VPS37B: variants seen among roughly 807,000 people sequenced by gnomAD.
VPS37B encodes VPS37B subunit of ESCRT-I, also known as vacuolar protein sorting-associated protein 37B.
In VPS37B, 11 loss-of-function variants were observed where a neutral mutation model predicts 21.2. That is an observed-to-expected ratio of 0.52 (90% CI 0.33 to 0.86). The LOEUF is 0.86. Among genes scored for constraint, VPS37B ranks in the 40% least tolerant of loss-of-function variants. The pLI is 0.03. For synonymous variants in VPS37B, 175 were observed against 159.6 expected (o/e 1.10, Z -0.73); for missense variants, 389 against 374.8 (o/e 1.04, Z -0.31).
At chr12:122,893,624 C>T (rs2034447559) in intron 1 of VPS37B, among the ~76,000 whole-genome samples, 1 of 152,118 alleles carries the variant, frequency 6.6e-6, no homozygotes, top group Non-Finnish European at 1.5e-5. Flanking sequence ...ATGACCAGGA[C>T]GACAGGATTG....
intron 1 of VPS37B, among the ~76,000 whole-genome samples, chr12:122,893,515 C>T (rs1375925490): frequency 1.3e-5 from 2 of 152,052 alleles, no homozygotes; most frequent in African/African-American, 4.8e-5. Flanking sequence ...ACAATTACCC[C>T]CAACATAAGC....
intron 1 of VPS37B, chr12:122,882,677 C>T (rs2034262838): frequency 6.6e-6 from 1 of 152,176 alleles, no homozygotes; most frequent in Admixed American, 6.5e-5. Context: ...CTTGATTTAT[C>T]ACACCAACTA....
At chr12:122,877,446 A>G (rs56260598) in intron 1 of VPS37B, 3,647 of 152,290 alleles carry the variant, frequency 0.024, 91 homozygotes, top group South Asian at 0.061. Context: ...CAGTGGTGCA[A>G]TCATGGCTCA....
intron 2 of VPS37B, among the ~76,000 whole-genome samples, chr12:122,869,732 C>T (rs916110654): frequency 6.6e-6 from 1 of 152,260 alleles, no homozygotes; most frequent in Admixed American, 6.5e-5. Flanking sequence ...CGAGCACCAC[C>T]ACCCCCAGCT....
intron 1 of VPS37B, chr12:122,881,277 G>A (rs149164943): frequency 3.9e-4 from 60 of 152,288 alleles, no homozygotes; most frequent in African/African-American, 1.4e-3. Context: ...AAGGTTAAAC[G>A]AGCTGTCAAA....
In VPS37B at chr12:122,867,279, G is replaced by A. The variant is rs777520018; in HGVS notation, c.695C>T (p.Ala232Val). ...PFTAAMSSGQ[A>V]VPYPGLQCPP... ...GCACTGTAATCCTGGGTACGGCACG[G>A]CCTGTCCCGAACTCATGGCCGCAGT... Residue 232 changes from alanine (A) to valine (V), a missense_variant, in exon 4 of 4, where the codon GCC (alanine) becomes GTC (valine). Transcript: ENST00000267202. The surrounding 1 kb of genome is among the most constrained non-coding windows in gnomAD (Gnocchi z 5.5). 7.7e-6 allele frequency: 12 copies of A among 1,566,432 alleles called. No individual in the cohort carries two copies. The highest frequency in any genetic ancestry group is 2.8e-5 in the African/African-American group (2 of 71,752).
In VPS37B at chr12:122,893,571, TTTCGG is replaced by T. The variant is rs2034447002; in HGVS notation, c.111+2376_111+2380del. ...TGAGTGAAACTACCATGACCAAAAA[TTTCGG>T]TTCACATTACACCCATTCCGAGAAA... On this transcript the variant is annotated intron_variant, in intron 1 of 3. Coordinates refer to ENST00000267202, the MANE Select transcript of VPS37B (RefSeq NM_024667.3). Among the ~76,000 whole-genome samples, 6 of 152,134 alleles carry T rather than the reference TTTCGG, an allele frequency of 3.9e-5. No homozygotes were observed. In the South Asian group the frequency reaches 1.2e-3, roughly 31 times the overall value.
chr12:122,891,673 T>G (rs538349996), intron 1 of VPS37B, among the ~76,000 whole-genome samples: 1 of 152,206 alleles, frequency 6.6e-6, no homozygotes, highest in East Asian at 1.9e-4. Flanking sequence ...AGAGTGCAAA[T>G]CTTAGCTTCT....
chr12:122,879,379 T>C (rs1174426646), intron 1 of VPS37B: 2 of 152,294 alleles, frequency 1.3e-5, no homozygotes, highest in Non-Finnish European at 1.5e-5. Context: ...AGGAGGAAGA[T>C]GAAAAGGGAC....
chr12:122,867,009 C>T lies in VPS37B; in HGVS notation c.*107G>A. The T allele has an allele frequency of 7.5e-7, 1 of 1,334,388 alleles. No homozygotes were observed. The highest frequency in any genetic ancestry group is 9.8e-7 in the Non-Finnish European group (1 of 1,017,578). 82.7% of individuals were successfully genotyped at this position (1,334,388 alleles called of 1,614,324 possible). A position where few individuals can be genotyped will look rare whatever the true frequency, so the allele number is the denominator to read the frequency against. ...CTAAAATCAGACAGACACGCTGGCC[C>T]AGGGCCCCAGAGCCCTTGGCACAGA... On this transcript the variant is annotated 3_prime_UTR_variant, in exon 4 of 4. Transcript: ENST00000267202. This position sits in a 1 kb window ranked among gnomAD's most constrained non-coding sequence, Gnocchi z 5.5.
intron 1 of VPS37B, chr12:122,872,097 C>A (rs1274651313): frequency 5.1e-6 from 5 of 985,332 alleles, no homozygotes; most frequent in Non-Finnish European, 6.0e-6. Context: ...TTTGCTGCGA[C>A]TTCCTTCCTC....
chr12:122,868,054 G>A lies in VPS37B; in HGVS notation c.366+426C>T, dbSNP rs114865731. ...AGCCCTATCTTGGCAAGACCCTGCC[G>A]GCCCCAGCCTGCAACAACTGCACAA... On this transcript the variant is annotated intron_variant, in intron 3 of 3. Transcript: ENST00000267202. This position sits in a 1 kb window ranked among gnomAD's most constrained non-coding sequence, Gnocchi z 5.5. Among the ~76,000 whole-genome samples the A allele has an allele frequency of 1.2e-3, 187 of 152,320 alleles. 1 individual carries two copies. Among genetic ancestry groups the A allele is most frequent in the African/African-American group, 4.3e-3 (178 of 41,564 alleles).
chr12:122,892,646 G>A (rs1257190319), intron 1 of VPS37B, among the ~76,000 whole-genome samples: 1 of 152,198 alleles, frequency 6.6e-6, no homozygotes, highest in African/African-American at 2.4e-5. Flanking sequence ...GGCTGGGCGT[G>A]GTGGCCCATG....
chr12:122,880,707 G>C (rs2034235126), intron 1 of VPS37B: 2 of 151,752 alleles, frequency 1.3e-5, no homozygotes, highest in African/African-American at 2.4e-5. Flanking sequence ...CACACACACA[G>C]AAAAACCCTA....
intron 1 of VPS37B, chr12:122,874,313 A>G (rs2034103118): frequency 6.6e-6 from 1 of 152,032 alleles, no homozygotes; most frequent in Admixed American, 6.6e-5. Flanking sequence ...ACAAATCTCA[A>G]TGTCCCGACC....
intron 1 of VPS37B, chr12:122,871,713 T>C (rs2034038415): frequency 1.0e-6 from 1 of 984,780 alleles, no homozygotes; most frequent in South Asian, 4.7e-5. Context: ...GGATTTCATT[T>C]TGTCCTTTAA....
chr12:122,867,335 C>CG lies in VPS37B; in HGVS notation c.638dup (p.Val214GlyfsTer120). The CG allele has an allele frequency of 7.8e-6, 3 of 386,170 alleles. No homozygotes were observed. The highest frequency in any genetic ancestry group is 1.5e-5 in the Non-Finnish European group (3 of 205,286). The allele number at this position is 386,170 out of a possible 1,614,324, so 23.9% of individuals were successfully genotyped here. A position where few individuals can be genotyped will look rare whatever the true frequency, so the allele number is the denominator to read the frequency against. On this transcript the variant is annotated frameshift_variant, in exon 4 of 4. Transcript: ENST00000267202. LOFTEE classifies it high-confidence loss of function. The surrounding 1 kb of genome is among the most constrained non-coding windows in gnomAD (Gnocchi z 5.5). Reference sequence around the variant, plus strand: ...GGGTGGCTAAGCGTCCCGCAGGCACCGGGGGTGGTGGGGGGGGGATGCGCC... The same window carrying CG: ...GGGTGGCTAAGCGTCCCGCAGGCACCGGGGGGTGGTGGGGGGGGGATGCGCC...
chr12:122,882,059 T>G (rs1372579310), intron 1 of VPS37B: 1 of 152,224 alleles, frequency 6.6e-6, no homozygotes, highest in African/African-American at 2.4e-5. Context: ...TTTAGCAAAA[T>G]TCACAATAAT....
intron 1 of VPS37B, 39 bp from the exon 2 acceptor site, chr12:122,871,100 A>T: frequency 6.2e-7 from 1 of 1,607,226 alleles, no homozygotes; most frequent in Non-Finnish European, 8.5e-7. Flanking sequence ...CCAAAAGTAT[A>T]TCAGCTCCTA....
Sources: gnomAD v4.1 joint callset for allele counts (sites outside exome capture counted in the v4.1 genomes callset) on GRCh38, gnomAD v4.1.1 for gene constraint, Gnocchi (gnomAD v3.1) non-coding constraint, MANE v1.5 for transcripts, NCBI Gene and HGNC (gene_info 2026-07-23, HGNC 2026-07-21) for gene names.